Variants in BCL2L13 observed in about 807,000 individuals in gnomAD.
BCL2L13 encodes BCL2 like 13, also known as bcl-2-like protein 13.
A neutral mutation model predicts 25.8 loss-of-function variants in BCL2L13; 13 were observed. That is an observed-to-expected ratio of 0.50 (90% CI 0.33 to 0.80). BCL2L13 has a LOEUF of 0.80. Ranked by LOEUF, BCL2L13 falls within the 30% of genes least tolerant of loss-of-function variation. The probability of loss-of-function intolerance (pLI) is 0.02; values close to 1 mark genes in which losing one functional copy is unlikely to be tolerated. For synonymous variants in BCL2L13, 244 were observed against 230.3 expected, an observed-to-expected ratio of 1.06 and a Z score of -0.54; for missense variants, 504 against 574.9, an observed-to-expected ratio of 0.88 and a Z score of 1.26.
chr22:17,679,865 C>G (rs1490799028), intron 2 of BCL2L13, among the ~76,000 whole-genome samples: 2 of 151,994 alleles, frequency 1.3e-5, no homozygotes, highest in African/African-American at 4.8e-5. Flanking sequence ...TTCTTAGGCT[C>G]CTGTGTAATA....
chr22:17,681,777 G>GT (rs1011331773), intron 2 of BCL2L13, among the ~76,000 whole-genome samples: 1 of 152,156 alleles, frequency 6.6e-6, no homozygotes, highest in African/African-American at 2.4e-5. Flanking sequence ...AGGCGACATT[G>GT]TGCAGGGGTT....
chr22:17,646,580 A>G (rs1476430131), intron 1 of BCL2L13, among the ~76,000 whole-genome samples: 4 of 149,196 alleles, frequency 2.7e-5, no homozygotes, highest in East Asian at 2.0e-4. Flanking sequence ...AAGATCATCT[A>G]TGTATTTACT....
chr22:17,683,889 T>C (rs2059831062), intron 3 of BCL2L13, among the ~76,000 whole-genome samples: 1 of 150,256 alleles, frequency 6.7e-6, no homozygotes, highest in African/African-American at 2.4e-5. Context: ...TTATTACTAT[T>C]TCAGAGACAG....
rs765639315 is a variant in BCL2L13 at position 17,711,304 on chromosome 22, C to CTTTTTTTTTTTTTTTTT, written c.600+8929_600+8930insTTTTTTTTTTTTTTTTT. 4.7e-3 allele frequency among the ~76,000 whole-genome samples: 590 copies of CTTTTTTTTTTTTTTTTT among 125,040 alleles called. 25 individuals carry two copies. Among genetic ancestry groups the CTTTTTTTTTTTTTTTTT allele is most frequent in the African/African-American group, 6.1e-3 (196 of 31,962 alleles). The allele number at this position is 125,040 out of a possible 152,430, so 82.0% of individuals were successfully genotyped here. On this transcript the variant is annotated intron_variant, in intron 6 of 6. Coordinates refer to ENST00000317582, the MANE Select transcript of BCL2L13 (RefSeq NM_015367.4). ...TTTCCCTTATTTCTTCATGATGGGC[C>CTTTTTTTTTTTTTTTTT]TTTTTTTTTTTGAGACAGGGTTTCA... is the stretch of plus-strand genomic sequence containing the variant.
At chr22:17,693,375 T>G (rs1483236881) in intron 4 of BCL2L13, among the ~76,000 whole-genome samples, 7 of 30,420 alleles carry the variant, frequency 2.3e-4, no homozygotes, top group Admixed American at 8.9e-4. Flanking sequence ...AGTGTTTGTT[T>G]TTTTTTTTTT....
intron 2 of BCL2L13, among the ~76,000 whole-genome samples, chr22:17,666,961 A>T (rs1439763042): frequency 6.6e-6 from 1 of 152,106 alleles, no homozygotes; most frequent in Non-Finnish European, 1.5e-5. Flanking sequence ...CTGGGATTAC[A>T]GGTGATCTCA....
chr22:17,699,299 T>C (rs550366843), intron 5 of BCL2L13, among the ~76,000 whole-genome samples: 8 of 152,314 alleles, frequency 5.3e-5, no homozygotes, highest in Admixed American at 2.6e-4. Context: ...GAGCAAAATA[T>C]GTCACTGTTA....
intron 1 of BCL2L13, among the ~76,000 whole-genome samples, chr22:17,648,689 A>G (rs1443432391): frequency 6.6e-6 from 1 of 152,178 alleles, no homozygotes; most frequent in Non-Finnish European, 1.5e-5. Flanking sequence ...ATATATAGAT[A>G]TATGGGCTTT....
chr22:17,677,215 A>T (rs1248980726), intron 2 of BCL2L13, among the ~76,000 whole-genome samples: 1 of 152,256 alleles, frequency 6.6e-6, no homozygotes, highest in South Asian at 2.1e-4. Flanking sequence ...GTCTCATCTC[A>T]TAAGGAAAGT....
At chr22:17,659,443 C>T (rs1329122901) in intron 2 of BCL2L13, among the ~76,000 whole-genome samples, 2 of 145,090 alleles carry the variant, frequency 1.4e-5, no homozygotes, top group African/African-American at 4.9e-5. Context: ...GGGTGGATCA[C>T]GAGGTCAGGA....
chr22:17,717,010 G>C (rs1045955067), intron 6 of BCL2L13, among the ~76,000 whole-genome samples: 4 of 152,160 alleles, frequency 2.6e-5, no homozygotes. Flanking sequence ...TCCAGCTCCA[G>C]CTTTGCCTTT....
chr22:17,651,055 G>A (rs887672510), intron 1 of BCL2L13, among the ~76,000 whole-genome samples: 28 of 143,692 alleles, frequency 1.9e-4, no homozygotes, highest in Admixed American at 1.5e-3. Flanking sequence ...GTGCAGTGGC[G>A]CGATCTCGGC....
chr22:17,659,242 T>C (rs939311545), intron 2 of BCL2L13, among the ~76,000 whole-genome samples: 2 of 145,670 alleles, frequency 1.4e-5, no homozygotes, highest in African/African-American at 4.9e-5. Flanking sequence ...CGGATGCCTG[T>C]AGTCCCAGCT....
Position 17,709,320 on chromosome 22 carries a change from C to T in BCL2L13, c.600+6934C>T, listed in dbSNP as rs145792680. ...TCAAAAATATAAAACTGAGGCTGGA[C>T]GTGGTGGCTCACGCCTGTAATCCCA... On this transcript the variant is annotated intron_variant, in intron 6 of 6. Transcript: ENST00000317582. Among the ~76,000 whole-genome samples the T allele has an allele frequency of 9.8e-3, 1,499 of 152,274 alleles. 33 individuals are homozygous for T. The highest frequency in any genetic ancestry group is 0.033 in the African/African-American group (1,392 of 41,558).
At chr22:17,641,837 T>TCGCCCAGG (rs935767231) in intron 1 of BCL2L13, among the ~76,000 whole-genome samples, 1 of 150,326 alleles carries the variant, frequency 6.7e-6, no homozygotes, top group African/African-American at 2.5e-5. Context: ...TCTCACTCTG[T>TCGCCCAGG]CGCCCAGGCT....
In BCL2L13 at chr22:17,715,122, TTATATATATATATATATATATATATATA is replaced by T. The variant is rs1371492072; in HGVS notation, c.601-11533_601-11506del. 7.4e-3 allele frequency among the ~76,000 whole-genome samples: 391 copies of T among 52,974 alleles called. 31 individuals are homozygous for T. Among genetic ancestry groups the T allele is most frequent in the South Asian group, 0.011 (13 of 1,144 alleles). The allele number at this position is 52,974 out of a possible 152,430, so 34.8% of individuals were successfully genotyped here. A position where few individuals can be genotyped will look rare whatever the true frequency, so the allele number is the denominator to read the frequency against. On this transcript the variant is annotated intron_variant, in intron 6 of 6. Coordinates refer to ENST00000317582, the MANE Select transcript of BCL2L13 (RefSeq NM_015367.4). ...GTTTCCAAAGACTTCAGTGTTAATT[TTATATATATATATATATATATATATATA>T]TATATATATATATATATATATTTTT...
chr22:17,707,537 A>G (rs1440816514), intron 6 of BCL2L13, among the ~76,000 whole-genome samples: 1 of 152,234 alleles, frequency 6.6e-6, no homozygotes, highest in Non-Finnish European at 1.5e-5. Flanking sequence ...CAACAATACA[A>G]ATATTTTATA....
At chr22:17,653,598 C>T (rs2058756609) in intron 1 of BCL2L13, among the ~76,000 whole-genome samples, 1 of 149,746 alleles carries the variant, frequency 6.7e-6, no homozygotes, top group Non-Finnish European at 1.5e-5. Context: ...AGCTCCTGGG[C>T]TCAAGTGATC....
intron 2 of BCL2L13, among the ~76,000 whole-genome samples, chr22:17,667,198 T>TC (rs1010394892): frequency 5.9e-5 from 9 of 151,690 alleles, no homozygotes; most frequent in Non-Finnish European, 1.0e-4. Flanking sequence ...TTAGTTAGTT[T>TC]CCCCCCCAAC....
Sources: gnomAD v4.1 joint callset for allele counts (sites outside exome capture counted in the v4.1 genomes callset) on GRCh38, gnomAD v4.1.1 for gene constraint, MANE v1.5 for transcripts, NCBI Gene and HGNC (gene_info 2026-07-23, HGNC 2026-07-21) for gene names.